Variants in SVEP1 observed in about 807,000 individuals in gnomAD.
SVEP1 encodes sushi, von Willebrand factor type A, EGF and pentraxin domain-containing protein 1.
A neutral mutation model predicts 367.3 loss-of-function variants in SVEP1; 164 were observed. The ratio of observed to expected loss-of-function variants is 0.45; its 90% CI spans 0.39 to 0.51. The LOEUF (loss-of-function observed/expected upper bound fraction) is 0.51, where lower values mean the gene tolerates loss of function less well. SVEP1 is among the 20% of genes least tolerant of loss of function. The pLI is 0.00. For synonymous variants in SVEP1, 1,666 were observed against 1,611.6 expected (o/e 1.03, Z -0.81); for missense variants, 4,117 against 4,425.3 (o/e 0.93, Z 1.98).
Position 110,400,867 on chromosome 9 carries a change from C to G in SVEP1, c.9809G>C (p.Gly3270Ala). The part of the protein sequence containing the change: ...ESTIIYQCEP[G>A]YELEGNRERV... ...TTGTTCGCTTACCTCTAGTTCATAG[C>G]CAGGCTCACACTGATAAATAATTGT... Residue 3270 changes from glycine (G) to alanine (A), a missense_variant, in exon 40 of 48, where the codon GGC becomes GCC. This residue lies in a region of SVEP1 where 1,765 missense variants were observed against 1,781.1 expected (regional missense o/e 0.99). Transcript: ENST00000374469. 1.2e-6 allele frequency: 2 copies of G among 1,612,582 alleles called. No individual in the cohort carries two copies. The highest frequency in any genetic ancestry group is 1.7e-4 in the Middle Eastern group (1 of 6,058).
chr9:110,426,983 C>T (rs879524372), intron 36 of SVEP1, among the ~76,000 whole-genome samples: 3 of 152,084 alleles, frequency 2.0e-5, no homozygotes, highest in African/African-American at 7.2e-5. Flanking sequence ...AATACACGAA[C>T]GCTCACTTAA....
chr9:110,479,545 A>G, intron 13 of SVEP1, 90 bp downstream of exon 13: 2 of 1,418,576 alleles, frequency 1.4e-6, no homozygotes. Flanking sequence ...GAAGAGGGAA[A>G]TAGGATGAGA....
chr9:110,505,031 G>A (rs760671199), intron 5 of SVEP1, among the ~76,000 whole-genome samples: 2 of 152,222 alleles, frequency 1.3e-5, no homozygotes, highest in East Asian at 1.9e-4. Flanking sequence ...ACTAAACTGC[G>A]GATGCTGAAA....
intron 1 of SVEP1, among the ~76,000 whole-genome samples, chr9:110,562,868 T>G (rs1830448953): frequency 6.6e-6 from 1 of 152,074 alleles, no homozygotes. Context: ...TTTTTTGTAT[T>G]TTTAGTAGAG....
intron 26 of SVEP1, among the ~76,000 whole-genome samples, chr9:110,444,000 T>A (rs1828553974): frequency 6.6e-6 from 1 of 152,106 alleles, no homozygotes; most frequent in Non-Finnish European, 1.5e-5. Context: ...TTGCTCCAAT[T>A]TGAGAGAATT....
intron 34 of SVEP1, 130 bp downstream of exon 34, chr9:110,429,790 T>TTATA (rs2118549145): frequency 1.4e-6 from 1 of 693,906 alleles, no homozygotes; most frequent in East Asian, 2.7e-5. Context: ...TATGTATCAT[T>TTATA]CGATTAATTA....
chr9:110,511,916 C>G (rs187363536), intron 5 of SVEP1, among the ~76,000 whole-genome samples: 11 of 152,184 alleles, frequency 7.2e-5, no homozygotes, highest in African/African-American at 2.6e-4. Flanking sequence ...GTCAAATCCT[C>G]AGCAAAGTGT....
At chr9:110,410,971 G>A (rs2118503395) in intron 37 of SVEP1, 92 bp downstream of exon 37, 1 of 1,142,894 alleles carries the variant, frequency 8.7e-7, no homozygotes, top group South Asian at 2.0e-5. Flanking sequence ...AGTGAACTTG[G>A]CAGTGTTTGG....
intron 9 of SVEP1, 28 bp from the exon 10 acceptor site, chr9:110,483,721 G>T: frequency 6.6e-7 from 1 of 1,521,460 alleles, no homozygotes. Flanking sequence ...AGACAAAGAA[G>T]TCACAGCTGA....
intron 1 of SVEP1, among the ~76,000 whole-genome samples, chr9:110,554,727 CGTGT>C (rs147546940): frequency 9.3e-4 from 139 of 148,666 alleles, no homozygotes; most frequent in African/African-American, 2.5e-3. Flanking sequence ...TATAGATGTG[CGTGT>C]GTGTGTGTGT....
chr9:110,503,787 T>C (rs1461459204), intron 5 of SVEP1, among the ~76,000 whole-genome samples: 1 of 152,164 alleles, frequency 6.6e-6, no homozygotes, highest in Non-Finnish European at 1.5e-5. Flanking sequence ...CCCACAAATA[T>C]TCCTGCCAAT....
At chr9:110,570,976 T>TG (rs1830555815) in intron 1 of SVEP1, among the ~76,000 whole-genome samples, 1 of 61,744 alleles carries the variant, frequency 1.6e-5, no homozygotes, top group Non-Finnish European at 3.0e-5. Flanking sequence ...GCTCCTTTTT[T>TG]TTTTTTTTTT....
chr9:110,538,209 A>G (rs1830103133), intron 3 of SVEP1, among the ~76,000 whole-genome samples: 1 of 152,128 alleles, frequency 6.6e-6, no homozygotes, highest in Admixed American at 6.6e-5. Context: ...TAGAAATGGA[A>G]CAAACTAGCC....
intron 24 of SVEP1, among the ~76,000 whole-genome samples, chr9:110,449,746 A>G (rs909323196): frequency 6.6e-6 from 1 of 152,210 alleles, no homozygotes; most frequent in Non-Finnish European, 1.5e-5. Flanking sequence ...GTACTACTGT[A>G]TTTGCTTCTG....
chr9:110,380,893 C>G (rs895509348), intron 43 of SVEP1, among the ~76,000 whole-genome samples: 3 of 152,132 alleles, frequency 2.0e-5, no homozygotes, highest in African/African-American at 7.2e-5. Flanking sequence ...TTCAGGGATT[C>G]AGCTTTTTCC....
At chr9:110,539,073 T>A (rs1045321009) in intron 3 of SVEP1, among the ~76,000 whole-genome samples, 4 of 152,110 alleles carry the variant, frequency 2.6e-5, no homozygotes, top group Admixed American at 2.0e-4. Context: ...AGCAATGAGT[T>A]CTGTTCCACT....
intron 3 of SVEP1, among the ~76,000 whole-genome samples, chr9:110,518,316 G>A (rs764931135): frequency 6.6e-6 from 1 of 151,904 alleles, no homozygotes; most frequent in Non-Finnish European, 1.5e-5. Context: ...CAGCTATTTG[G>A]GAGGCAGAGA....
intron 3 of SVEP1, among the ~76,000 whole-genome samples, chr9:110,542,703 T>A (rs1830166394): frequency 6.6e-6 from 1 of 151,900 alleles, no homozygotes; most frequent in Non-Finnish European, 1.5e-5. Flanking sequence ...ACCTCATACC[T>A]AGCAGTGGGC....
chr9:110,467,127 G>A (rs1407051424), intron 17 of SVEP1, among the ~76,000 whole-genome samples: 2 of 152,092 alleles, frequency 1.3e-5, no homozygotes, highest in Non-Finnish European at 2.9e-5. Context: ...TGGCAAAGAA[G>A]CACACTTTTG....
Sources: allele counts gnomAD v4.1 joint callset (sites outside exome capture counted in the v4.1 genomes callset), GRCh38; gene constraint gnomAD v4.1.1; regional missense constraint gnomAD v4.1.1; transcripts MANE v1.5; gene names NCBI Gene and HGNC (gene_info 2026-07-23, HGNC 2026-07-21).